Variants in TMEM63A observed in about 807,000 individuals in gnomAD.
The protein encoded by TMEM63A is transmembrane protein 63A.
In TMEM63A, 76 loss-of-function variants were observed where a neutral mutation model predicts 100.6. The observed-to-expected ratio is 0.76, with a 90% CI of 0.63 to 0.91. TMEM63A has a LOEUF of 0.91. Among genes scored for constraint, TMEM63A ranks in the 40% least tolerant of loss-of-function variants. TMEM63A has a pLI of 0.00. For missense variants in TMEM63A, 876 were observed against 1,008.8 expected (o/e 0.87, Z 1.78); for synonymous variants, 401 against 401.1 (o/e 1.00, Z 0.00).
rs1344979770 is a variant in TMEM63A, at chr1:225,882,378, A to T, written c.-280T>A. The T allele has an allele frequency of 6.6e-6, 1 of 152,370 alleles. No homozygotes were observed. Among genetic ancestry groups the T allele is most frequent in the Non-Finnish European group, 1.5e-5 (1 of 68,244 alleles). The allele number at this position is 152,370 out of a possible 1,614,324, so 9.4% of individuals were successfully genotyped here. A position where few individuals can be genotyped will look rare whatever the true frequency, so the allele number is the denominator to read the frequency against. On this transcript the variant is annotated 5_prime_UTR_variant, in exon 1 of 25. Coordinates refer to ENST00000366835, the MANE Select transcript of TMEM63A (RefSeq NM_014698.3). ...GACCACTTAAAAGTTACAAAGTGAA[A>T]CTCCGGCGCCTCCTGCACATGCGCA... is the stretch of plus-strand genomic sequence containing the variant.
chr1:225,852,691 T>C lies in TMEM63A; in HGVS notation c.1876A>G (p.Ile626Val). The change falls in exon 20 of 25, where the codon ATC (isoleucine) becomes GTC (valine). Residue 626 changes from isoleucine (I) to valine (V), a missense_variant. By Grantham distance (29) the Ile-to-Val change is conservative. Coordinates refer to ENST00000366835, the MANE Select transcript of TMEM63A (RefSeq NM_014698.3). The stretch of plus-strand genomic sequence containing the variant: ...AATGGCGCGATGATGGGACAAGTGA[T>C]GCTGTAGGCCACGATGACAGTGAAG... ...CVFTVIVAYS[I>V]TCPIIAPFGL... The C allele has an allele frequency of 1.2e-6, 2 of 1,613,436 alleles. No homozygotes were observed. Among genetic ancestry groups the C allele is most frequent in the Non-Finnish European group, 1.7e-6 (2 of 1,180,024 alleles).
At position 225,862,171 on chromosome 1, in the gene TMEM63A, G is replaced by A; in HGVS notation, c.1085+47C>T. ...AGAGGGACAGTGAGTTATCTGGAGG[G>A]GAACAGGGAGTCAGCCAAGAAGGGG... is the stretch of plus-strand genomic sequence containing the variant. On this transcript the variant is annotated intron_variant, in intron 13 of 24. Coordinates refer to ENST00000366835, the MANE Select transcript of TMEM63A (RefSeq NM_014698.3). This position sits in a 1 kb window ranked among gnomAD's most constrained non-coding sequence, Gnocchi z 5.1. 6.2e-7 allele frequency: 1 copy of A among 1,607,882 alleles called. No homozygotes were observed. The highest frequency in any genetic ancestry group is 8.5e-7 in the Non-Finnish European group (1 of 1,176,784).
intron 14 of TMEM63A, 99 bp from the exon 15 acceptor site, chr1:225,859,448 C>T: frequency 6.8e-7 from 1 of 1,467,172 alleles, no homozygotes; most frequent in Non-Finnish European, 9.2e-7. Context: ...AAGAGACTAG[C>T]CTGGGGGCAA....
In TMEM63A at chr1:225,849,924, A is replaced by G. The variant is rs1669235478; in HGVS notation, c.2059T>C (p.Phe687Leu). The G allele has an allele frequency of 1.9e-6, 3 of 1,614,048 alleles. No homozygotes were observed. The highest frequency in any genetic ancestry group is 2.5e-6 in the Non-Finnish European group (3 of 1,179,990). ...LCLFWLYFFS[F>L]LRLGMKAPAT... ...AAGGGCTGCTCACCCAGGCGCAGGA[A>G]GGAAAAGAAGTAGAGCCAGAAGAGG... Residue 687 changes from phenylalanine (F) to leucine (L), a missense_variant, in exon 21 of 25, where the codon TTC (phenylalanine) becomes CTC (leucine). Physicochemically the swap from Phe to Leu is conservative, Grantham distance 22. This residue lies in a region of TMEM63A where 339 missense variants were observed against 342.3 expected (regional missense o/e 0.99). Coordinates refer to ENST00000366835, the MANE Select transcript of TMEM63A (RefSeq NM_014698.3).
intron 10 of TMEM63A, among the ~76,000 whole-genome samples, chr1:225,863,628 C>T (rs1262087446): frequency 6.6e-6 from 1 of 152,024 alleles, no homozygotes; most frequent in Admixed American, 6.6e-5. Flanking sequence ...ATATTAACAA[C>T]CAGCAAGGCC....
downstream of TMEM63A, chr1:225,842,564 A>G: frequency 2.1e-6 from 2 of 939,590 alleles, no homozygotes; most frequent in Non-Finnish European, 3.5e-6. Flanking sequence ...GTTGCTCTGC[A>G]TGGGGCACTC....
At chr1:225,875,418 G>C (rs910374676) in intron 3 of TMEM63A, among the ~76,000 whole-genome samples, 5 of 152,194 alleles carry the variant, frequency 3.3e-5, no homozygotes, top group Admixed American at 2.0e-4. Flanking sequence ...CAGGGAGGTA[G>C]AGAAATACAT....
Position 225,865,751 on chromosome 1 carries a change from G to A in TMEM63A, c.746+146C>T. 2.6e-6 allele frequency: 2 copies of A among 757,222 alleles called. No individual in the cohort carries two copies. Among genetic ancestry groups the A allele is most frequent in the Non-Finnish European group, 4.4e-6 (2 of 459,042 alleles). The allele number at this position is 757,222 out of a possible 1,614,324, so 46.9% of individuals were successfully genotyped here. On this transcript the variant is annotated intron_variant, in intron 10 of 24. Transcript: ENST00000366835. This position sits in a 1 kb window ranked among gnomAD's most constrained non-coding sequence, Gnocchi z 4.6. ...CACACAGGAGCCACTCCATACACGT[G>A]TGGCAGGGCCAGGTCCTTCTCAGAT...
Position 225,867,763 on chromosome 1 carries a change from T to G in TMEM63A, c.514+125A>C. On this transcript the variant is annotated intron_variant, in intron 7 of 24. Coordinates refer to ENST00000366835, the MANE Select transcript of TMEM63A (RefSeq NM_014698.3). The surrounding 1 kb of genome is among the most constrained non-coding windows in gnomAD (Gnocchi z 4.6). ...CAGATAGAAATGTTCAGAGTCACCC[T>G]GAGACCATCTTACATCTGAAGTGGG... 3.0e-6 allele frequency: 4 copies of G among 1,317,490 alleles called. No individual in the cohort carries two copies. Among genetic ancestry groups the G allele is most frequent in the Non-Finnish European group, 4.1e-6 (4 of 965,814 alleles). The allele number at this position is 1,317,490 out of a possible 1,614,324, so 81.6% of individuals were successfully genotyped here.
intron 22 of TMEM63A, 97 bp from the exon 23 acceptor site, chr1:225,848,651 G>T: frequency 1.5e-6 from 2 of 1,339,902 alleles, no homozygotes; most frequent in Non-Finnish European, 2.1e-6. Flanking sequence ...CGGAATAATA[G>T]TACCAGCTGG....
downstream of TMEM63A, chr1:225,845,365 G>A (rs764589986): frequency 1.4e-5 from 20 of 1,453,638 alleles, no homozygotes; most frequent in South Asian, 3.6e-5. Flanking sequence ...CTCTCCCCCC[G>A]CCTGCCACCT....
At position 225,849,072 on chromosome 1, in the gene TMEM63A, C is replaced by T. The variant is rs1471173435; in HGVS notation, c.2072-60G>A. On this transcript the variant is annotated intron_variant, in intron 21 of 24. Transcript: ENST00000366835. ...AGGGAGGGGCCACCACCTACCCTCA[C>T]CCTGCTGAGGAAGGGGCCGCACCTG... The T allele has an allele frequency of 2.3e-6, 3 of 1,277,490 alleles. No homozygotes were observed. The African/African-American group carries it at 4.4e-5, about 19-fold the overall frequency. The allele number at this position is 1,277,490 out of a possible 1,614,324, so 79.1% of individuals were successfully genotyped here. A position where few individuals can be genotyped will look rare whatever the true frequency, so the allele number is the denominator to read the frequency against.
chr1:225,861,308 TG>T (rs1669921368), intron 13 of TMEM63A: 1 of 212,862 alleles, frequency 4.7e-6, no homozygotes, highest in African/African-American at 2.3e-5. Flanking sequence ...GCTGGAGCTC[TG>T]ATCAGTGCTA....
chr1:225,876,068 A>T (rs1670786815), intron 3 of TMEM63A, among the ~76,000 whole-genome samples: 1 of 33,836 alleles, frequency 3.0e-5, no homozygotes, highest in Non-Finnish European at 6.3e-5. Context: ...TGTCTCAAAA[A>T]AAAAAAAAAA....
intron 23 of TMEM63A, among the ~76,000 whole-genome samples, chr1:225,847,809 G>A (rs1669094718): frequency 6.6e-6 from 1 of 152,176 alleles, no homozygotes; most frequent in Non-Finnish European, 1.5e-5. Context: ...CTTGTCCAAG[G>A]ACAGACACCG....
intron 20 of TMEM63A, 113 bp downstream of exon 20, chr1:225,852,551 G>T: frequency 2.2e-6 from 2 of 909,142 alleles, no homozygotes; most frequent in Non-Finnish European, 3.5e-6. Flanking sequence ...GGCTCTTGTG[G>T]CTGTGGTTTT....
chr1:225,868,330 C>T (rs1321301430), intron 6 of TMEM63A, among the ~76,000 whole-genome samples: 1 of 151,986 alleles, frequency 6.6e-6, no homozygotes, highest in Admixed American at 6.6e-5. Context: ...GGGAAAGGTA[C>T]GTAAATACAG....
chr1:225,849,519 C>T (rs1669214971), intron 21 of TMEM63A, among the ~76,000 whole-genome samples: 1 of 152,220 alleles, frequency 6.6e-6, no homozygotes, highest in African/African-American at 2.4e-5. Flanking sequence ...TCCTCTGGTT[C>T]AGTCCCTGCA....
At chr1:225,872,673 T>C (rs1258949703) in intron 4 of TMEM63A, among the ~76,000 whole-genome samples, 1 of 149,236 alleles carries the variant, frequency 6.7e-6, no homozygotes, top group African/African-American at 2.5e-5. Flanking sequence ...AATACGTATA[T>C]GTGACTGCTT....
Sources: allele counts gnomAD v4.1 joint callset (sites outside exome capture counted in the v4.1 genomes callset), GRCh38; gene constraint gnomAD v4.1.1; regional missense constraint gnomAD v4.1.1; non-coding constraint Gnocchi (gnomAD v3.1); transcripts MANE v1.5; gene names NCBI Gene and HGNC (gene_info 2026-07-23, HGNC 2026-07-21).